The following TMPRSS15 variants were observed in gnomAD, a reference collection of about 807,000 sequenced individuals.
TMPRSS15 encodes the protein transmembrane serine protease 15.
Under a neutral mutation model 125.3 loss-of-function variants are expected in TMPRSS15, and 128 were observed. The observed-to-expected ratio is 1.02, with a 90% CI of 0.89 to 1.18. The LOEUF is 1.18. Among genes scored for constraint, TMPRSS15 ranks in the 50% most tolerant of loss-of-function variants. The pLI is 0.00. For synonymous variants in TMPRSS15, 446 were observed against 423.2 expected, an observed-to-expected ratio of 1.05 and a Z score of -0.66; for missense variants, 1,283 against 1,212.7, an observed-to-expected ratio of 1.06 and a Z score of -0.86.
chr21:18,349,642 A>G (rs1409649740), intron 10 of TMPRSS15, among the ~76,000 whole-genome samples: 3 of 152,194 alleles, frequency 2.0e-5, no homozygotes, highest in South Asian at 2.1e-4. Context: ...GAGAGGAATG[A>G]CTGGTTGATT....
chr21:18,405,226 G>A (rs1330605704), upstream of TMPRSS15, among the ~76,000 whole-genome samples: 1 of 152,076 alleles, frequency 6.6e-6, no homozygotes, highest in African/African-American at 2.4e-5. Flanking sequence ...TGGATTAATG[G>A]ATAAAATATT....
At chr21:18,317,767 C>T (rs1203025010) in intron 16 of TMPRSS15, among the ~76,000 whole-genome samples, 3 of 90,520 alleles carry the variant, frequency 3.3e-5, no homozygotes, top group Non-Finnish European at 7.0e-5. Flanking sequence ...CCCATCCCAT[C>T]CCATCCCATC....
At position 18,409,973 on chromosome 21, in the gene TMPRSS15, A is replaced by T. The variant is rs1042353068; in HGVS notation, c.11-11644T>A. Among the ~76,000 whole-genome samples the T allele has an allele frequency of 7.6e-5, 11 of 143,986 alleles. 1 individual carries two copies. The highest frequency in any genetic ancestry group is 6.7e-4 in the South Asian group (3 of 4,458). The allele number at this position is 143,986 out of a possible 152,430, so 94.5% of individuals were successfully genotyped here. On this transcript the variant is annotated intron_variant, in intron 1 of 7. Coordinates refer to the TMPRSS15 transcript ENST00000422787. ...GTCTTTCCTTCTTAGGTATATTCAC[A>T]TGTCTTCCACACTGTTTCTTTCCAT...
rs764806583 is a variant in TMPRSS15, at chr21:18,372,328, T to TA, written c.533-5dup. 14 of 1,611,978 alleles carry TA rather than the reference T, an allele frequency of 8.7e-6. No individual in the cohort carries two copies. The highest frequency in any genetic ancestry group is 6.7e-5 in the African/African-American group (5 of 74,864). On this transcript the variant is annotated splice_region_variant and splice_polypyrimidine_tract_variant and intron_variant, in intron 5 of 24. Coordinates refer to ENST00000284885, the MANE Select transcript of TMPRSS15 (RefSeq NM_002772.3). ...AGGCACTCTATTGAGACATTTCCTT[T>TA]AAAAAATAACTGAAATTAATTTCCA...
At chr21:18,368,241 C>A (rs374223189) in intron 6 of TMPRSS15, among the ~76,000 whole-genome samples, 3 of 152,260 alleles carry the variant, frequency 2.0e-5, no homozygotes. Flanking sequence ...CAGCTTTGCG[C>A]TGCACAATGT....
At chr21:18,388,606 G>T (rs1374343751) in intron 3 of TMPRSS15, among the ~76,000 whole-genome samples, 1 of 152,238 alleles carries the variant, frequency 6.6e-6, no homozygotes, top group African/African-American at 2.4e-5. Context: ...AGAGAGGCAG[G>T]CACCTAGAAT....
intron 16 of TMPRSS15, 135 bp downstream of exon 16, chr21:18,326,297 T>C: frequency 3.1e-6 from 4 of 1,310,670 alleles, no homozygotes; most frequent in Non-Finnish European, 4.4e-6. Flanking sequence ...GGAAAAATCA[T>C]CTTCATTAAG....
At chr21:18,440,427 A>G (rs1419577145) in intron 1 of TMPRSS15, among the ~76,000 whole-genome samples, 1 of 151,104 alleles carries the variant, frequency 6.6e-6, no homozygotes, top group African/African-American at 2.4e-5. Flanking sequence ...TGGCATCAAT[A>G]TAAAGAGTCT....
At position 18,397,439 on chromosome 21, in the gene TMPRSS15, C is replaced by T. The variant is rs558018483; in HGVS notation, c.344+440G>A. On this transcript the variant is annotated intron_variant, in intron 3 of 24. Transcript: ENST00000284885. ...ATCATTACATTATTAATCTAAGATT[C>T]GTTAGTTTATTGAGCACCTACTTTA... Among the ~76,000 whole-genome samples, 42 of 152,244 alleles carry T rather than the reference C, an allele frequency of 2.8e-4. No homozygotes were observed. The South Asian group carries it at 8.5e-3, about 31-fold the overall frequency.
rs564350633 is a variant in TMPRSS15, at chr21:18,312,960, T to C, written c.2150A>G (p.Gln717Arg). The change falls in exon 18 of 25, where the codon CAA becomes CGA. Residue 717 changes from glutamine (Q) to arginine (R), a missense_variant. Gln to Arg is a conservative substitution (Grantham distance 43). Transcript: ENST00000284885. Reference sequence around the variant, plus strand: ...AATTACTTACCCTAGTCCCAGCAGTTGACAAACATCATTTGAAATCTGGGT... The same window carrying C: ...AATTACTTACCCTAGTCCCAGCAGTCGACAAACATCATTTGAAATCTGGGT... ...WTTQISNDVC[Q>R]LLGLGSGNSS... is the part of the protein sequence containing the mutation. 15 of 1,613,956 alleles carry C rather than the reference T, an allele frequency of 9.3e-6. No homozygotes were observed. The highest frequency in any genetic ancestry group is 1.3e-5 in the Non-Finnish European group (15 of 1,179,864).
In TMPRSS15 at chr21:18,341,511, T is replaced by A. The variant is rs1434154917; in HGVS notation, c.1466A>T (p.Asp489Val). 6.2e-5 allele frequency: 100 copies of A among 1,614,022 alleles called. No homozygotes were observed. The highest frequency in any genetic ancestry group is 7.7e-5 in the Non-Finnish European group (91 of 1,180,002). The change falls in exon 13 of 25, where the codon GAT (aspartate) becomes GTT (valine). Residue 489 changes from aspartate to valine, a missense_variant. By Grantham distance (152) the Asp-to-Val change is radical. Coordinates refer to ENST00000284885, the MANE Select transcript of TMPRSS15 (RefSeq NM_002772.3). ...TAGGCTAATGTCATCCAACGCAATA[T>A]CACTCAGGATCTTGTTTTTAAAAGC... is the stretch of plus-strand genomic sequence containing the variant. Reference protein sequence around the residue: ...FNAFKNKILSDIALDDISLTY... With the variant: ...FNAFKNKILSVIALDDISLTY...
intron 5 of TMPRSS15, among the ~76,000 whole-genome samples, chr21:18,377,606 G>C (rs1224186574): frequency 6.6e-6 from 1 of 152,034 alleles, no homozygotes; most frequent in East Asian, 1.9e-4. Context: ...AATACATATA[G>C]ACTGATTGTT....
At chr21:18,407,193 C>A (rs937762663), upstream of TMPRSS15, among the ~76,000 whole-genome samples, 2 of 152,008 alleles carry the variant, frequency 1.3e-5, no homozygotes, top group African/African-American at 4.8e-5. Flanking sequence ...AATAGAACAA[C>A]AAGGTGTATT....
At chr21:18,338,346 A>G (rs1369519501) in intron 13 of TMPRSS15, among the ~76,000 whole-genome samples, 4 of 152,178 alleles carry the variant, frequency 2.6e-5, no homozygotes, top group Non-Finnish European at 5.9e-5. Context: ...AGAATTATCA[A>G]GAAAATCTAT....
At chr21:18,389,616 G>C (rs1425338970) in intron 3 of TMPRSS15, among the ~76,000 whole-genome samples, 1 of 151,978 alleles carries the variant, frequency 6.6e-6, no homozygotes, top group Non-Finnish European at 1.5e-5. Context: ...AGCCTACCAG[G>C]CCTATATATA....
intron 1 of TMPRSS15, among the ~76,000 whole-genome samples, chr21:18,476,111 A>C (rs973179164): frequency 3.9e-5 from 6 of 152,160 alleles, no homozygotes; most frequent in Non-Finnish European, 2.9e-5. Flanking sequence ...GGACATTCTA[A>C]CAGCATTAAG....
intron 16 of TMPRSS15, among the ~76,000 whole-genome samples, chr21:18,325,253 TC>T (rs2075277524): frequency 6.6e-6 from 1 of 151,682 alleles, no homozygotes; most frequent in African/African-American, 2.4e-5. Flanking sequence ...TTTTTATTGA[TC>T]CATGTCACTG....
At position 18,270,102 on chromosome 21, in the gene TMPRSS15, A is replaced by C. The variant is rs778411173; in HGVS notation, c.2927T>G (p.Met976Arg). 6.2e-7 allele frequency: 1 copy of C among 1,614,054 alleles called. No individual in the cohort carries two copies. Among genetic ancestry groups the C allele is most frequent in the Non-Finnish European group, 8.5e-7 (1 of 1,179,920 alleles). Residue 976 changes from methionine to arginine, a missense_variant, in exon 25 of 25, where the codon ATG becomes AGG. Met to Arg is a moderately conservative substitution (Grantham distance 91). Coordinates refer to ENST00000284885, the MANE Select transcript of TMPRSS15 (RefSeq NM_002772.3). ...GAACCACCTGTTGTTTTCTTGGCACATTAATGGTCCTCCTGAATCCCCCTA... is the reference window on the plus strand; with the variant it reads ...GAACCACCTGTTGTTTTCTTGGCACCTTAATGGTCCTCCTGAATCCCCCTA... ...SCQGDSGGPL[M>R]CQENNRWFLA...
chr21:18,474,679 T>A (rs2123286290), intron 1 of TMPRSS15, among the ~76,000 whole-genome samples: 1 of 152,298 alleles, frequency 6.6e-6, no homozygotes, highest in African/African-American at 2.4e-5. Flanking sequence ...AAGAAGCTAG[T>A]AAGAGCTAAA....
Sources: gnomAD v4.1 joint callset for allele counts (sites outside exome capture counted in the v4.1 genomes callset) on GRCh38, gnomAD v4.1.1 for gene constraint, MANE v1.5 for transcripts, NCBI Gene and HGNC (gene_info 2026-07-23, HGNC 2026-07-21) for gene names.